GRAMD1B: variants seen among roughly 807,000 people sequenced by gnomAD.
GRAMD1B encodes the protein GRAM domain containing 1B, also known as protein Aster-B.
Under a neutral mutation model 99.7 loss-of-function variants are expected in GRAMD1B, and 37 were observed. The ratio of observed to expected loss-of-function variants is 0.37; its 90% CI spans 0.29 to 0.49. GRAMD1B has a LOEUF of 0.49. Among genes scored for constraint, GRAMD1B ranks in the 20% least tolerant of loss-of-function variants. The probability of loss-of-function intolerance (pLI) is 0.98; values close to 1 mark genes in which losing one functional copy is unlikely to be tolerated. For synonymous variants in GRAMD1B, 427 were observed against 387.6 expected (o/e 1.10, Z -1.19); for missense variants, 888 against 1,009.2 (o/e 0.88, Z 1.63).
At chr11:123,364,470 G>A (rs1404281149) in intron 1 of GRAMD1B, among the ~76,000 whole-genome samples, 1 of 152,254 alleles carries the variant, frequency 6.6e-6, no homozygotes, top group Admixed American at 6.5e-5. Flanking sequence ...GACAGAAGCC[G>A]CTATCCTTTT....
At chr11:123,548,321 T>TACACAC (rs1484787385) in intron 2 of GRAMD1B, among the ~76,000 whole-genome samples, 1 of 107,216 alleles carries the variant, frequency 9.3e-6, no homozygotes. Context: ...TATATATATA[T>TACACAC]ATATACACAC....
intron 2 of GRAMD1B, among the ~76,000 whole-genome samples, chr11:123,548,276 G>C (rs1284450234): frequency 7.2e-6 from 1 of 139,078 alleles, no homozygotes; most frequent in Non-Finnish European, 1.5e-5. Flanking sequence ...AATTGGAAGA[G>C]TCAGGCTGTG....
chr11:123,401,427 C>G (rs148252718), intron 1 of GRAMD1B, among the ~76,000 whole-genome samples: 2 of 152,246 alleles, frequency 1.3e-5, no homozygotes, highest in African/African-American at 4.8e-5. Context: ...CTGTTGGCCC[C>G]GTGCAGAGCA....
intron 1 of GRAMD1B, among the ~76,000 whole-genome samples, chr11:123,362,217 G>T (rs1035953950): frequency 6.6e-6 from 1 of 152,186 alleles, no homozygotes; most frequent in Non-Finnish European, 1.5e-5. Flanking sequence ...ACCCATTCTA[G>T]GCATATACCA....
intron 1 of GRAMD1B, among the ~76,000 whole-genome samples, chr11:123,374,047 C>A (rs1019193979): frequency 1.3e-5 from 2 of 152,088 alleles, no homozygotes; most frequent in Admixed American, 6.5e-5. Context: ...ATGTGAGATG[C>A]GGTAGGTGTT....
intron 1 of GRAMD1B, among the ~76,000 whole-genome samples, chr11:123,463,624 A>G (rs1424010688): frequency 6.6e-6 from 1 of 152,200 alleles, no homozygotes; most frequent in Non-Finnish European, 1.5e-5. Flanking sequence ...CATTAGTCCT[A>G]TGGCTCAAAG....
At chr11:123,553,707 G>A (rs1473039532) in intron 2 of GRAMD1B, among the ~76,000 whole-genome samples, 1 of 152,210 alleles carries the variant, frequency 6.6e-6, no homozygotes, top group Non-Finnish European at 1.5e-5. Flanking sequence ...CCGTGGATTA[G>A]AGTCTGAGTT....
intron 1 of GRAMD1B, among the ~76,000 whole-genome samples, chr11:123,403,950 C>T (rs902616412): frequency 1.3e-5 from 2 of 152,176 alleles, no homozygotes; most frequent in African/African-American, 4.8e-5. Flanking sequence ...GTTGCTTTAA[C>T]TCTACAAGTT....
chr11:123,370,231 G>A (rs1376514695), intron 1 of GRAMD1B, among the ~76,000 whole-genome samples: 6 of 150,718 alleles, frequency 4.0e-5, no homozygotes, highest in Non-Finnish European at 7.4e-5. Flanking sequence ...TGGGAGAATC[G>A]CTTGAACCCA....
chr11:123,483,886 A>G lies in GRAMD1B; in HGVS notation c.452+2993A>G, dbSNP rs117195763. Among the ~76,000 whole-genome samples the G allele has an allele frequency of 4.0e-3, 607 of 152,270 alleles. 8 individuals are homozygous for G. In the East Asian group the frequency reaches 0.046, roughly 12 times the overall value. The stretch of plus-strand genomic sequence containing the variant: ...TCTTGTGAGTTCTGCCCTGGTTCTC[A>G]GTTTTATGCCCCCTGTTAATCAAAA... On this transcript the variant is annotated intron_variant, in intron 2 of 19. Transcript: ENST00000635736.
Position 123,614,782 on chromosome 11 carries a change from C to T in GRAMD1B, c.2265C>T (p.Pro755=). Residue 755 remains proline (P), a synonymous_variant, in exon 17 of 20, where the codon CCC becomes CCT. Coordinates refer to ENST00000635736, the MANE Select transcript of GRAMD1B (RefSeq NM_001387025.1). ...TQTRHIPEDT[P]NGFHLQSVSK... ...CGCGGCATATCCCGGAGGACACCCCCAACGGTTTCCACCTGCAGAGCGTGT... is the reference window on the plus strand; with the variant it reads ...CGCGGCATATCCCGGAGGACACCCCTAACGGTTTCCACCTGCAGAGCGTGT... 1.2e-6 allele frequency: 2 copies of T among 1,612,728 alleles called. No individual in the cohort carries two copies. The highest frequency in any genetic ancestry group is 1.7e-5 in the Admixed American group (1 of 60,014).
intron 19 of GRAMD1B, 32 bp downstream of exon 19, chr11:123,619,256 G>T: frequency 1.3e-6 from 2 of 1,549,600 alleles, no homozygotes; most frequent in South Asian, 1.2e-5. Context: ...GCTTGCCCTG[G>T]TCTTTGGGAG....
At chr11:123,427,306 C>T (rs1948689970), upstream of GRAMD1B, among the ~76,000 whole-genome samples, 1 of 152,192 alleles carries the variant, frequency 6.6e-6, no homozygotes, top group South Asian at 2.1e-4. Context: ...CTGGCCTTGT[C>T]ATTGATTAGC....
upstream of GRAMD1B, among the ~76,000 whole-genome samples, chr11:123,426,929 T>C (rs1374293353): frequency 1.3e-5 from 2 of 152,274 alleles, no homozygotes; most frequent in East Asian, 3.9e-4. Flanking sequence ...AAAAGGGAGC[T>C]TGTGCAGCTG....
Position 123,431,968 on chromosome 11 carries a change from C to T in GRAMD1B, c.374+802C>T, listed in dbSNP as rs561285737. Reference sequence around the variant, plus strand: ...TGCCTGGTGGAGGGCAGGGAGTCCTCACTTGTTCATCGGTACCACGAATCC... The same window carrying T: ...TGCCTGGTGGAGGGCAGGGAGTCCTTACTTGTTCATCGGTACCACGAATCC... On this transcript the variant is annotated intron_variant, in intron 1 of 19. Coordinates refer to ENST00000635736, the MANE Select transcript of GRAMD1B (RefSeq NM_001387025.1). 4.7e-4 allele frequency: 187 copies of T among 398,142 alleles called. 1 individual carries two copies. Among genetic ancestry groups the T allele is most frequent in the African/African-American group, 3.7e-3 (179 of 48,746 alleles). The allele number at this position is 398,142 out of a possible 1,614,324, so 24.7% of individuals were successfully genotyped here.
chr11:123,562,165 A>G (rs1431046442), intron 2 of GRAMD1B, among the ~76,000 whole-genome samples: 1 of 151,634 alleles, frequency 6.6e-6, no homozygotes, highest in South Asian at 2.1e-4. Context: ...CCTGGGCAAC[A>G]TCGCGAGACC....
intron 4 of GRAMD1B, 69 bp from the exon 5 acceptor site, chr11:123,594,013 A>C (rs2271631): frequency 9.6e-7 from 1 of 1,043,340 alleles, no homozygotes; most frequent in Non-Finnish European, 1.5e-6. Context: ...AGTGCTCCTC[A>C]TCTTGCCCTT....
intron 1 of GRAMD1B, among the ~76,000 whole-genome samples, chr11:123,437,059 C>T (rs12797947): frequency 0.22 from 32,769 of 152,016 alleles, 4,470 homozygotes; most frequent in Non-Finnish European, 0.3. Context: ...CAGCTTCATC[C>T]GTGTCCCTAC....
chr11:123,443,768 A>G (rs1280320491), intron 1 of GRAMD1B, among the ~76,000 whole-genome samples: 1 of 152,132 alleles, frequency 6.6e-6, no homozygotes, highest in African/African-American at 2.4e-5. Context: ...TTTTTAGTAG[A>G]GATCGGGTTT....
Sources: gnomAD v4.1 joint callset for allele counts (sites outside exome capture counted in the v4.1 genomes callset) on GRCh38, gnomAD v4.1.1 for gene constraint, MANE v1.5 for transcripts, NCBI Gene and HGNC (gene_info 2026-07-23, HGNC 2026-07-21) for gene names.